The following PCDHA10 variants were observed in gnomAD, a reference collection of about 807,000 sequenced individuals.
PCDHA10 encodes the protein protocadherin alpha 10.
Under a neutral mutation model 61.2 loss-of-function variants are expected in PCDHA10, and 45 were observed. That is an observed-to-expected ratio of 0.74 (90% CI 0.58 to 0.94). The LOEUF is 0.94. Among genes scored for constraint, PCDHA10 ranks in the 40% least tolerant of loss-of-function variants. PCDHA10 has a pLI of 0.00. For synonymous variants in PCDHA10, 602 were observed against 548.8 expected, an observed-to-expected ratio of 1.10 and a Z score of -1.35; for missense variants, 1,278 against 1,236.2, an observed-to-expected ratio of 1.03 and a Z score of -0.51.
At chr5:140,868,478 A>G (rs2050491329) in intron 1 of PCDHA10, 2 of 152,364 alleles carry the variant, frequency 1.3e-5, no homozygotes, top group African/African-American at 2.4e-5. Flanking sequence ...TAAAACTTCA[A>G]TTTTTTCTTT....
At chr5:140,958,844 G>A (rs533464436) in intron 1 of PCDHA10, among the ~76,000 whole-genome samples, 81 of 152,122 alleles carry the variant, frequency 5.3e-4, no homozygotes, top group African/African-American at 1.9e-3. Context: ...TATCATTCCA[G>A]TGTCTTTGGT....
intron 1 of PCDHA10, among the ~76,000 whole-genome samples, chr5:140,890,883 G>T (rs1339331273): frequency 1.3e-5 from 2 of 152,064 alleles, no homozygotes; most frequent in Non-Finnish European, 2.9e-5. Flanking sequence ...CCTTTCATCA[G>T]GGATTATTGT....
chr5:140,906,893 GT>G (rs1191460812), intron 1 of PCDHA10, among the ~76,000 whole-genome samples: 7 of 152,170 alleles, frequency 4.6e-5, no homozygotes, highest in Admixed American at 6.5e-5. Context: ...TTCTTAGATT[GT>G]TGGTTTAAAG....
chr5:140,955,986 C>A (rs2095245113), intron 1 of PCDHA10, among the ~76,000 whole-genome samples: 1 of 152,124 alleles, frequency 6.6e-6, no homozygotes, highest in Non-Finnish European at 1.5e-5. Flanking sequence ...GCAATTTTTG[C>A]ACATTGATTT....
At chr5:140,991,648 A>G (rs2097463830) in intron 3 of PCDHA10, among the ~76,000 whole-genome samples, 1 of 152,192 alleles carries the variant, frequency 6.6e-6, no homozygotes, top group Non-Finnish European at 1.5e-5. Context: ...GTTCATGACA[A>G]TTTAGGTTTG....
chr5:141,006,921 A>G (rs1229765479), intron 3 of PCDHA10, among the ~76,000 whole-genome samples: 1 of 152,176 alleles, frequency 6.6e-6, no homozygotes, highest in Non-Finnish European at 1.5e-5. Context: ...TGCCCATGAG[A>G]TTTCCAACTG....
chr5:140,941,231 C>CTT (rs1554214107), intron 1 of PCDHA10, among the ~76,000 whole-genome samples: 1 of 136,770 alleles, frequency 7.3e-6, no homozygotes, highest in African/African-American at 2.8e-5. Context: ...TTCTTTCTTT[C>CTT]TTTCTTTCTT....
intron 1 of PCDHA10, chr5:140,929,850 G>T: frequency 6.5e-6 from 1 of 154,348 alleles, no homozygotes. Flanking sequence ...GAGGAGGAAG[G>T]AGTCAGAGAA....
At chr5:140,873,973 T>C (rs1255024393) in intron 1 of PCDHA10, among the ~76,000 whole-genome samples, 2 of 152,224 alleles carry the variant, frequency 1.3e-5, no homozygotes. Flanking sequence ...TTTTTTAAAA[T>C]TAAAGTTCCT....
rs75087916 is a variant in PCDHA10, at chr5:140,963,063, T to G, written c.2389-15886T>G. Among the ~76,000 whole-genome samples, 783 of 152,260 alleles carry G rather than the reference T, an allele frequency of 5.1e-3. 9 individuals carry two copies. Among genetic ancestry groups the G allele is most frequent in the African/African-American group, 0.018 (742 of 41,556 alleles). ...AGAGTCTATAAGGGTTTCTACATTGTGAAGGAGACAGAAATATAAGACATG... is the reference window on the plus strand; with the variant it reads ...AGAGTCTATAAGGGTTTCTACATTGGGAAGGAGACAGAAATATAAGACATG... On this transcript the variant is annotated intron_variant, in intron 1 of 3. Transcript: ENST00000307360.
chr5:140,861,503 C>G, intron 1 of PCDHA10: 1 of 478,536 alleles, frequency 2.1e-6, no homozygotes, highest in African/African-American at 2.0e-5. Flanking sequence ...TGATAGACCT[C>G]GAGGAGCTGT....
Position 140,857,371 on chromosome 5 carries a change from T to C in PCDHA10, c.1323T>C (p.Ser441=), listed in dbSNP as rs1203627643. The part of the protein sequence containing the change: ...SPPLWATASV[S]VEVADVNDNA... Reference sequence around the variant, plus strand: ...CGCTGTGGGCCACGGCCAGCGTGTCTGTGGAGGTGGCCGACGTGAACGACA... The same window carrying C: ...CGCTGTGGGCCACGGCCAGCGTGTCCGTGGAGGTGGCCGACGTGAACGACA... The change falls in exon 1 of 4, where the codon TCT becomes TCC. Residue 441 remains serine (S), a synonymous_variant. Coordinates refer to ENST00000307360, the MANE Select transcript of PCDHA10 (RefSeq NM_018901.4). The C allele has an allele frequency of 1.3e-6, 2 of 1,598,092 alleles. No homozygotes were observed. The highest frequency in any genetic ancestry group is 2.7e-5 in the African/African-American group (2 of 74,316).
chr5:140,964,847 C>T (rs2095858231), intron 1 of PCDHA10, among the ~76,000 whole-genome samples: 1 of 152,124 alleles, frequency 6.6e-6, no homozygotes, highest in African/African-American at 2.4e-5. Flanking sequence ...ACTCTGTACC[C>T]TTGAGGAAAC....
Position 140,856,875 on chromosome 5 carries a change from T to C in PCDHA10, c.827T>C (p.Met276Thr), listed in dbSNP as rs782182859. 1.3e-6 allele frequency: 2 copies of C among 1,595,778 alleles called. No homozygotes were observed. The highest frequency in any genetic ancestry group is 1.7e-6 in the Non-Finnish European group (2 of 1,165,736). The change falls in exon 1 of 4, where the codon ATG (methionine) becomes ACG (threonine). Residue 276 changes from methionine to threonine, a missense_variant. Coordinates refer to ENST00000307360, the MANE Select transcript of PCDHA10 (RefSeq NM_018901.4). ...TCGGATGAAGGAATAAACAAGGAAA[T>C]GATGTATTCATTTAGCTCTTTGGTC... ...SDSDEGINKEMMYSFSSLVPP... is the reference protein window; with the variant it reads ...SDSDEGINKETMYSFSSLVPP...
chr5:140,875,854 G>A (rs1448268904), intron 1 of PCDHA10: 6 of 1,614,160 alleles, frequency 3.7e-6, no homozygotes, highest in Non-Finnish European at 5.1e-6. Flanking sequence ...GGACATTAAC[G>A]ACAACCCGCC....
Position 140,942,409 on chromosome 5 carries a change from T to TA in PCDHA10, c.2389-36528dup, listed in dbSNP as rs78736997. On this transcript the variant is annotated intron_variant, in intron 1 of 3. Coordinates refer to ENST00000307360, the MANE Select transcript of PCDHA10 (RefSeq NM_018901.4). Reference sequence around the variant, plus strand: ...CCTGGGCGACAGATGAGACTCTGTTTAAAAAAAAAAAAGATATCTAACAAT... The same window carrying TA: ...CCTGGGCGACAGATGAGACTCTGTTTAAAAAAAAAAAAAGATATCTAACAAT... Among the ~76,000 whole-genome samples, 1,256 of 143,596 alleles carry TA rather than the reference T, an allele frequency of 8.7e-3. 8 individuals are homozygous for TA. Among genetic ancestry groups the TA allele is most frequent in the African/African-American group, 0.03 (1,168 of 39,342 alleles). 94.2% of individuals were successfully genotyped at this position (143,596 alleles called of 152,430 possible).
At chr5:140,887,704 C>A (rs1554183178) in intron 1 of PCDHA10, among the ~76,000 whole-genome samples, 1 of 152,104 alleles carries the variant, frequency 6.6e-6, no homozygotes, top group East Asian at 1.9e-4. Context: ...ATCAACCATA[C>A]TTCTTCTAAT....
chr5:140,906,985 G>A (rs1418384427), intron 1 of PCDHA10, among the ~76,000 whole-genome samples: 1 of 152,170 alleles, frequency 6.6e-6, no homozygotes, highest in East Asian at 1.9e-4. Context: ...TCTGGTGGCA[G>A]CATTCCTCCC....
At chr5:140,960,934 A>G (rs1429908471) in intron 1 of PCDHA10, among the ~76,000 whole-genome samples, 3 of 152,236 alleles carry the variant, frequency 2.0e-5, no homozygotes, top group Admixed American at 1.3e-4. Context: ...TACTAAGTTT[A>G]GTGAATTAGA....
Sources: gnomAD v4.1 joint callset for allele counts (sites outside exome capture counted in the v4.1 genomes callset) on GRCh38, gnomAD v4.1.1 for gene constraint, MANE v1.5 for transcripts, NCBI Gene and HGNC (gene_info 2026-07-23, HGNC 2026-07-21) for gene names.